The following MEGF10 variants were observed in gnomAD, a reference collection of about 807,000 sequenced individuals.
The protein encoded by MEGF10 is multiple epidermal growth factor-like domains protein 10.
Under a neutral mutation model 147.5 loss-of-function variants are expected in MEGF10, and 86 were observed. The ratio of observed to expected loss-of-function variants is 0.58; its 90% CI spans 0.49 to 0.70. MEGF10 has a LOEUF of 0.70. Ranked by LOEUF, MEGF10 falls within the 30% of genes least tolerant of loss-of-function variation. The pLI is 0.00. For missense variants in MEGF10, 1,329 were observed against 1,487.3 expected, an observed-to-expected ratio of 0.89 and a Z score of 1.75; for synonymous variants, 478 against 525.5, an observed-to-expected ratio of 0.91 and a Z score of 1.24.
chr5:127,446,522 G>A (rs1483534451), intron 20 of MEGF10, among the ~76,000 whole-genome samples: 1 of 152,164 alleles, frequency 6.6e-6, no homozygotes, highest in African/African-American at 2.4e-5. Flanking sequence ...CAGCCCCAAA[G>A]CAAAGAGCAG....
chr5:127,429,350 G>T (rs1475467203), intron 13 of MEGF10, among the ~76,000 whole-genome samples: 1 of 152,110 alleles, frequency 6.6e-6, no homozygotes, highest in Non-Finnish European at 1.5e-5. Context: ...GCAGGGAAGG[G>T]TCACCATTTT....
At chr5:127,431,533 G>A (rs1386194352) in intron 13 of MEGF10, among the ~76,000 whole-genome samples, 1 of 152,182 alleles carries the variant, frequency 6.6e-6, no homozygotes, top group Admixed American at 6.5e-5. Context: ...TCAGGATGAT[G>A]ATCAGTCAGA....
rs534954697 is a variant in MEGF10 at position 127,353,049 on chromosome 5, A to G, written c.319+12419A>G. Among the ~76,000 whole-genome samples, 110 of 152,236 alleles carry G rather than the reference A, an allele frequency of 7.2e-4. 1 individual carries two copies. The highest frequency in any genetic ancestry group is 2.6e-3 in the African/African-American group (108 of 41,538). ...CCTCAACTGTCTGCAGTTTGCAGGG[A>G]TGATCTGGAGCCAGGGAAATCTCTT... is the stretch of plus-strand genomic sequence containing the variant. On this transcript the variant is annotated intron_variant, in intron 4 of 24. Coordinates refer to ENST00000503335, the MANE Select transcript of MEGF10 (RefSeq NM_001256545.2).
intron 4 of MEGF10, among the ~76,000 whole-genome samples, chr5:127,344,715 G>A (rs1401400776): frequency 6.6e-6 from 1 of 151,936 alleles, no homozygotes; most frequent in Non-Finnish European, 1.5e-5. Flanking sequence ...TCTTTTTAAG[G>A]TGACTAAAAT....
At chr5:127,381,726 A>G (rs1763272215) in intron 5 of MEGF10, among the ~76,000 whole-genome samples, 1 of 152,216 alleles carries the variant, frequency 6.6e-6, no homozygotes, top group Non-Finnish European at 1.5e-5. Context: ...GCTGGAGTGC[A>G]GTGGCGTGAT....
At chr5:127,434,566 C>A in intron 14 of MEGF10, 121 bp from the exon 15 acceptor site, 2 of 1,105,250 alleles carry the variant, frequency 1.8e-6, no homozygotes, top group Non-Finnish European at 2.4e-6. Flanking sequence ...TTCTCCGTAT[C>A]TTTTTTACTT....
chr5:127,324,149 G>A (rs576077174), intron 1 of MEGF10, among the ~76,000 whole-genome samples: 8 of 151,878 alleles, frequency 5.3e-5, no homozygotes, highest in South Asian at 2.1e-4. Flanking sequence ...CTGTAGCAGC[G>A]TTGAAAAAAA....
At chr5:127,359,694 C>T (rs1197004139) in intron 4 of MEGF10, among the ~76,000 whole-genome samples, 1 of 152,046 alleles carries the variant, frequency 6.6e-6, no homozygotes. Context: ...TATGACATTG[C>T]CCTATGCACT....
the MEGF10 span, among the ~76,000 whole-genome samples, chr5:127,233,546 CA>C: frequency 2.6e-5 from 4 of 152,178 alleles, no homozygotes; most frequent in African/African-American, 9.7e-5. Flanking sequence ...ATAAAAAGCA[CA>C]AATTAATAGT....
chr5:127,363,324 A>T (rs978985081), intron 4 of MEGF10, among the ~76,000 whole-genome samples: 2 of 152,202 alleles, frequency 1.3e-5, no homozygotes, highest in African/African-American at 4.8e-5. Flanking sequence ...AAGGATCCTT[A>T]TGTCATGATA....
At chr5:127,271,331 T>C in the MEGF10 span, among the ~76,000 whole-genome samples, 22 of 152,336 alleles carry the variant, frequency 1.4e-4, no homozygotes, top group South Asian at 2.1e-3. Flanking sequence ...CTTTTTTAAA[T>C]ATGTTTGTTG....
the MEGF10 span, among the ~76,000 whole-genome samples, chr5:127,274,104 A>G: frequency 2.0e-5 from 3 of 152,164 alleles, no homozygotes; most frequent in Non-Finnish European, 4.4e-5. Context: ...GGTAAATAAC[A>G]CCATGAAAAA....
At chr5:127,394,926 T>C (rs1020462239) in intron 5 of MEGF10, among the ~76,000 whole-genome samples, 1 of 152,250 alleles carries the variant, frequency 6.6e-6, no homozygotes, top group Non-Finnish European at 1.5e-5. Context: ...TTAAACCTTT[T>C]GATATTATGA....
chr5:127,267,555 A>C, the MEGF10 span, among the ~76,000 whole-genome samples: 1 of 152,010 alleles, frequency 6.6e-6, no homozygotes, highest in African/African-American at 2.4e-5. Flanking sequence ...CTGGTCCTGG[A>C]CTTTTTTTGG....
At chr5:127,239,376 GACACACACACACACAC>G in the MEGF10 span, among the ~76,000 whole-genome samples, 5 of 123,470 alleles carry the variant, frequency 4.0e-5, no homozygotes, top group Admixed American at 8.7e-5. Context: ...GATGATGGAA[GACACACACACACACAC>G]ACACACACAC....
intron 6 of MEGF10, among the ~76,000 whole-genome samples, chr5:127,397,089 A>C (rs1303610674): frequency 6.6e-6 from 1 of 152,156 alleles, no homozygotes; most frequent in Non-Finnish European, 1.5e-5. Flanking sequence ...TTGTTGGGGC[A>C]TATTTGGGAT....
the MEGF10 span, among the ~76,000 whole-genome samples, chr5:127,254,421 A>T: frequency 6.6e-6 from 1 of 152,144 alleles, no homozygotes; most frequent in Non-Finnish European, 1.5e-5. Flanking sequence ...TCTTCTAAAA[A>T]ATGCAAAAGC....
chr5:127,291,794 T>C (rs1210791391), intron 1 of MEGF10, among the ~76,000 whole-genome samples: 1 of 152,202 alleles, frequency 6.6e-6, no homozygotes, highest in Non-Finnish European at 1.5e-5. Context: ...TCTGGAAGTA[T>C]TTTTCTTAGT....
At chr5:127,270,537 C>A in the MEGF10 span, among the ~76,000 whole-genome samples, 1 of 152,184 alleles carries the variant, frequency 6.6e-6, no homozygotes, top group Non-Finnish European at 1.5e-5. Context: ...AGCTAACTAT[C>A]TTAAATATAT....
Sources: gnomAD v4.1 joint callset for allele counts (sites outside exome capture counted in the v4.1 genomes callset) on GRCh38, gnomAD v4.1.1 for gene constraint, MANE v1.5 for transcripts, NCBI Gene and HGNC (gene_info 2026-07-23, HGNC 2026-07-21) for gene names.